Variants in OSBPL10 observed in about 807,000 individuals in gnomAD.
OSBPL10 encodes oxysterol binding protein like 10.
In OSBPL10, 49 loss-of-function variants were observed where a neutral mutation model predicts 81.7. That is an observed-to-expected ratio of 0.60 (90% CI 0.48 to 0.76). The LOEUF (loss-of-function observed/expected upper bound fraction) is 0.76. Ranked by LOEUF, OSBPL10 falls within the 30% of genes least tolerant of loss-of-function variation. The pLI is 0.00. For synonymous variants in OSBPL10, 419 were observed against 383.6 expected, an observed-to-expected ratio of 1.09 and a Z score of -1.08; for missense variants, 923 against 987.8, an observed-to-expected ratio of 0.93 and a Z score of 0.88.
chr3:31,931,014 C>CAAAAAAAAAAAAAAAAA (rs60251266), intron 1 of OSBPL10, among the ~76,000 whole-genome samples: 1 of 62,064 alleles, frequency 1.6e-5, no homozygotes, highest in Non-Finnish European at 2.8e-5. Flanking sequence ...GACTCGGTCT[C>CAAAAAAAAAAAAAAAAA]AAAAAAAAAA....
rs1385084748 is a variant in OSBPL10, at chr3:31,904,922, AT to A, written c.282-25093del. Among the ~76,000 whole-genome samples the A allele has an allele frequency of 2.0e-5, 3 of 152,110 alleles. No individual in the cohort carries two copies. The East Asian group carries it at 5.8e-4, about 29-fold the overall frequency. Reference sequence around the variant, plus strand: ...GCAGAGCTGAGGTTTTCTCCAAGGAATTTTTCTTAAACTGGAGGCAGCTACA... The same window carrying A: ...GCAGAGCTGAGGTTTTCTCCAAGGAATTTTCTTAAACTGGAGGCAGCTACA... On this transcript the variant is annotated intron_variant, in intron 1 of 11. Coordinates refer to ENST00000396556, the MANE Select transcript of OSBPL10 (RefSeq NM_017784.5).
intron 5 of OSBPL10, among the ~76,000 whole-genome samples, chr3:31,744,408 G>A (rs1302906953): frequency 6.6e-6 from 1 of 151,892 alleles, no homozygotes; most frequent in Non-Finnish European, 1.5e-5. Flanking sequence ...AGGCATGGTG[G>A]GCACCTGTAA....
chr3:31,697,919 C>A (rs569375710), intron 7 of OSBPL10, among the ~76,000 whole-genome samples: 155 of 152,110 alleles, frequency 1.0e-3, no homozygotes, highest in Non-Finnish European at 2.5e-4. Context: ...CCCACCACCA[C>A]GCCCAGCTAA....
chr3:31,943,418 T>A (rs557673538), intron 1 of OSBPL10, among the ~76,000 whole-genome samples: 9 of 152,184 alleles, frequency 5.9e-5, no homozygotes, highest in Admixed American at 2.0e-4. Context: ...TTTTTTTTAA[T>A]CAAGTACATT....
chr3:32,052,171 T>G (rs187865886), intron 1 of OSBPL10, among the ~76,000 whole-genome samples: 2,031 of 150,666 alleles, frequency 0.013, 24 homozygotes, highest in Non-Finnish European at 0.019. Flanking sequence ...CACTTGAGCC[T>G]GGGAGGTAGA....
intron 1 of OSBPL10, among the ~76,000 whole-genome samples, chr3:31,897,186 C>T (rs1559509422): frequency 6.6e-6 from 1 of 152,092 alleles, no homozygotes; most frequent in Non-Finnish European, 1.5e-5. Context: ...AGCAAACCAG[C>T]GGAGGCTACT....
chr3:31,764,567 A>T (rs1698144201), intron 4 of OSBPL10, among the ~76,000 whole-genome samples: 1 of 152,254 alleles, frequency 6.6e-6, no homozygotes, highest in Admixed American at 6.5e-5. Context: ...TTAAGATGCC[A>T]GCACGGTTCT....
chr3:31,817,627 A>G (rs1471707929), intron 4 of OSBPL10, among the ~76,000 whole-genome samples: 1 of 152,176 alleles, frequency 6.6e-6, no homozygotes, highest in East Asian at 1.9e-4. Context: ...GGAGGCTTGG[A>G]TCCACAGCCG....
chr3:31,663,698 A>G, intron 11 of OSBPL10: 1 of 1,118,320 alleles, frequency 8.9e-7, no homozygotes, highest in Non-Finnish European at 1.1e-6. Flanking sequence ...ATGGCCTGTG[A>G]GGCACTCCTC....
chr3:31,841,598 G>A (rs1416778231), intron 3 of OSBPL10, among the ~76,000 whole-genome samples: 3 of 152,252 alleles, frequency 2.0e-5, no homozygotes, highest in African/African-American at 4.8e-5. Flanking sequence ...TAGAAAAGCT[G>A]TAGTAGATGC....
At chr3:31,731,735 C>T (rs1288532996) in intron 6 of OSBPL10, among the ~76,000 whole-genome samples, 1 of 152,220 alleles carries the variant, frequency 6.6e-6, no homozygotes, top group African/African-American at 2.4e-5. Flanking sequence ...GATCCGTCTG[C>T]CTCAGCCTAC....
chr3:31,823,844 A>ACG (rs143124327), intron 4 of OSBPL10, among the ~76,000 whole-genome samples: 2 of 148,306 alleles, frequency 1.3e-5, no homozygotes, highest in Admixed American at 1.4e-4. Context: ...GTATGTGTGT[A>ACG]TGTGTGTGTG....
chr3:31,860,855 GGGTTTTTTTTTTT>G (rs926744097), intron 3 of OSBPL10, among the ~76,000 whole-genome samples: 6 of 126,512 alleles, frequency 4.7e-5, no homozygotes, highest in African/African-American at 3.2e-4. Flanking sequence ...GGGTTTTTTG[GGGTTTTTTTTTTT>G]GGGTTTTTTT....
At chr3:31,953,345 TTA>T (rs887847633) in intron 1 of OSBPL10, among the ~76,000 whole-genome samples, 2 of 151,868 alleles carry the variant, frequency 1.3e-5, no homozygotes, top group Non-Finnish European at 2.9e-5. Flanking sequence ...TTGCCACACA[TTA>T]TATTATTTAA....
chr3:32,039,043 G>T (rs554179010), intron 2 of OSBPL10, among the ~76,000 whole-genome samples: 1 of 152,024 alleles, frequency 6.6e-6, no homozygotes, highest in Non-Finnish European at 1.5e-5. Flanking sequence ...TATAAAGAGG[G>T]TCAGGGCATG....
At chr3:31,697,777 T>C (rs1695770677) in intron 7 of OSBPL10, among the ~76,000 whole-genome samples, 1 of 152,028 alleles carries the variant, frequency 6.6e-6, no homozygotes, top group Admixed American at 6.6e-5. Flanking sequence ...CTCTTTTTTT[T>C]TTTGAGATGG....
Position 31,940,413 on chromosome 3 carries a change from T to A in OSBPL10, c.281+40486A>T, listed in dbSNP as rs542364454. The stretch of plus-strand genomic sequence containing the variant: ...AGAAAGCAGCTGTAGAGAGGTGGGG[T>A]GGGTGACTGACTGGAAATGGGCACT... On this transcript the variant is annotated intron_variant, in intron 1 of 11. Transcript: ENST00000396556. Among the ~76,000 whole-genome samples the A allele has an allele frequency of 3.3e-5, 5 of 152,164 alleles. No individual in the cohort carries two copies. The South Asian group carries it at 8.3e-4, about 25-fold the overall frequency.
chr3:31,725,953 G>A (rs1471002151), intron 6 of OSBPL10, among the ~76,000 whole-genome samples: 1 of 152,188 alleles, frequency 6.6e-6, no homozygotes, highest in Non-Finnish European at 1.5e-5. Flanking sequence ...AAAGAATTAA[G>A]TCTATGAGAT....
At chr3:31,669,190 T>C (rs182496956) in intron 9 of OSBPL10, among the ~76,000 whole-genome samples, 36 of 152,236 alleles carry the variant, frequency 2.4e-4, no homozygotes, top group African/African-American at 8.2e-4. Flanking sequence ...GCAGTACCTA[T>C]AGCTCGGGTG....
Sources: allele counts gnomAD v4.1 joint callset (sites outside exome capture counted in the v4.1 genomes callset), GRCh38; gene constraint gnomAD v4.1.1; transcripts MANE v1.5; gene names NCBI Gene and HGNC (gene_info 2026-07-23, HGNC 2026-07-21).